Variants in CDH7 observed in about 807,000 individuals in gnomAD.
CDH7 encodes cadherin 7, also known as cadherin-7.
Under a neutral mutation model 71.8 loss-of-function variants are expected in CDH7, and 25 were observed. The ratio of observed to expected loss-of-function variants is 0.35; its 90% CI spans 0.25 to 0.49. The LOEUF is 0.49. Among genes scored for constraint, CDH7 ranks in the 20% least tolerant of loss-of-function variants. The pLI, the probability that CDH7 is intolerant of heterozygous loss-of-function variation, is 0.99. For missense variants in CDH7, 862 were observed against 974.6 expected (o/e 0.88, Z 1.54); for synonymous variants, 381 against 363.8 (o/e 1.05, Z -0.54).
At chr18:65,841,271 A>G (rs537718054) in intron 6 of CDH7, among the ~76,000 whole-genome samples, 1 of 152,292 alleles carries the variant, frequency 6.6e-6, no homozygotes, top group East Asian at 1.9e-4. Context: ...TTTTAGATAC[A>G]TTTAAAAAAA....
chr18:65,836,632 C>G (rs919061335), intron 6 of CDH7, among the ~76,000 whole-genome samples: 1 of 151,932 alleles, frequency 6.6e-6, no homozygotes, highest in South Asian at 2.1e-4. Flanking sequence ...CATTTGCAAG[C>G]TGCAAATGTT....
chr18:65,859,705 T>G lies in CDH7; in HGVS notation c.1495-3T>G. On this transcript the variant is annotated splice_polypyrimidine_tract_variant and splice_region_variant and intron_variant, in intron 9 of 11. Coordinates refer to ENST00000397968, the MANE Select transcript of CDH7 (RefSeq NM_004361.5). Reference sequence around the variant, plus strand: ...TTTCATCTTTTACTTTCTCTTTTCCTAGGTTATCCAGAAAATCAGTGCTGT... The same window carrying G: ...TTTCATCTTTTACTTTCTCTTTTCCGAGGTTATCCAGAAAATCAGTGCTGT... 1.9e-6 allele frequency: 3 copies of G among 1,568,642 alleles called. No homozygotes were observed. The South Asian group carries it at 3.3e-5, about 17-fold the overall frequency.
At chr18:65,862,236 A>G (rs1312476509) in intron 10 of CDH7, among the ~76,000 whole-genome samples, 1 of 152,134 alleles carries the variant, frequency 6.6e-6, no homozygotes, top group Non-Finnish European at 1.5e-5. Context: ...TGGTCTTGCA[A>G]CTTGTCTAAG....
At chr18:65,775,458 G>C (rs759484789) in intron 2 of CDH7, among the ~76,000 whole-genome samples, 1 of 152,096 alleles carries the variant, frequency 6.6e-6, no homozygotes, top group Non-Finnish European at 1.5e-5. Context: ...AATAATAGTG[G>C]TACATATTTT....
intron 5 of CDH7, 82 bp downstream of exon 5, chr18:65,822,330 C>A: frequency 1.8e-6 from 2 of 1,083,928 alleles, no homozygotes; most frequent in Non-Finnish European, 2.7e-6. Context: ...GACTTTTTTT[C>A]AAATACTTCT....
intron 7 of CDH7, among the ~76,000 whole-genome samples, chr18:65,856,513 TCCCA>T (rs1913361887): frequency 6.6e-6 from 1 of 152,010 alleles, no homozygotes; most frequent in Admixed American, 6.6e-5. Flanking sequence ...AAGTAGAGTT[TCCCA>T]CAGTAATGCA....
At position 65,862,860 on chromosome 18, in the gene CDH7, GC is replaced by G; in HGVS notation, c.1808del (p.Ala603ValfsTer8). On this transcript the variant is annotated frameshift_variant, in exon 11 of 12. Transcript: ENST00000397968. LOFTEE classifies it high-confidence loss of function. ...CAATGCAGAGGCCTATGTCCTACCT[GC>G]TGGCCTCAGTACAGGAGCCCTGATA... ...TCNAEAYVLPAGLSTGALIAI... is the reference protein window; with the variant it reads ...TCNAEAYVLPXGLSTGALIAI... 1 of 1,614,052 alleles carries G rather than the reference GC, an allele frequency of 6.2e-7. No individual in the cohort carries two copies. Among genetic ancestry groups the G allele is most frequent in the Non-Finnish European group, 8.5e-7 (1 of 1,179,928 alleles).
chr18:65,866,366 T>A, intron 11 of CDH7: 1 of 114,170 alleles, frequency 8.8e-6, no homozygotes, highest in Non-Finnish European at 1.8e-5. Context: ...ACTATAGAAG[T>A]ACCTGGACTT....
In CDH7 at chr18:65,793,432, A is replaced by G. The variant is rs1280259635; in HGVS notation, c.211-16272A>G. On this transcript the variant is annotated intron_variant, in intron 2 of 11. Coordinates refer to ENST00000397968, the MANE Select transcript of CDH7 (RefSeq NM_004361.5). Reference sequence around the variant, plus strand: ...ACACCCAGTCTCAAAAAAAAAAAAAAAGAGAGGGAGAGAGAGAAAGTCCAG... The same window carrying G: ...ACACCCAGTCTCAAAAAAAAAAAAAGAGAGAGGGAGAGAGAGAAAGTCCAG... Among the ~76,000 whole-genome samples the G allele has an allele frequency of 9.2e-5, 14 of 152,100 alleles. No individual in the cohort carries two copies. The East Asian group carries it at 2.3e-3, about 25-fold the overall frequency.
intron 2 of CDH7, among the ~76,000 whole-genome samples, chr18:65,794,864 A>T (rs1227878081): frequency 6.6e-6 from 1 of 152,170 alleles, no homozygotes; most frequent in South Asian, 2.1e-4. Context: ...TAGTTTTCTC[A>T]TGTATAAAAT....
At chr18:65,829,180 T>C (rs1235855358) in intron 6 of CDH7, among the ~76,000 whole-genome samples, 1 of 151,862 alleles carries the variant, frequency 6.6e-6, no homozygotes, top group African/African-American at 2.4e-5. Flanking sequence ...AGTGCAGTGG[T>C]GTCATCTGGG....
intron 11 of CDH7, 117 bp downstream of exon 11, chr18:65,863,034 T>C: frequency 8.8e-7 from 1 of 1,134,658 alleles, no homozygotes; most frequent in African/African-American, 1.5e-5. Context: ...TGGATGGTGT[T>C]TGTTTTGTTT....
intron 7 of CDH7, 37 bp downstream of exon 7, chr18:65,844,102 A>G: frequency 6.3e-7 from 1 of 1,589,464 alleles, no homozygotes. Context: ...ATGGTTTTAC[A>G]AACAATGCAT....
chr18:65,785,643 A>G (rs147585677), intron 2 of CDH7, among the ~76,000 whole-genome samples: 2 of 152,172 alleles, frequency 1.3e-5, no homozygotes, highest in East Asian at 3.9e-4. Context: ...AAAAATATCT[A>G]ATGGAGTTTA....
At chr18:65,873,300 C>T (rs189720953) in intron 11 of CDH7, among the ~76,000 whole-genome samples, 1 of 152,228 alleles carries the variant, frequency 6.6e-6, no homozygotes, top group East Asian at 1.9e-4. Flanking sequence ...TCTGAGAATA[C>T]CTCTAAGACC....
rs1297136960 is a variant in CDH7, at chr18:65,844,197, A to ATATATAT, written c.1235+132_1235+133insTATATAT. ...CAGATATATATATATATCGAGTTAT[A>ATATATAT]ACAGCAGAGGTAAAACAGCATTAGA... is the stretch of plus-strand genomic sequence containing the variant. On this transcript the variant is annotated intron_variant, in intron 7 of 11. Transcript: ENST00000397968. 50 of 242,096 alleles carry ATATATAT rather than the reference A, an allele frequency of 2.1e-4. 4 individuals are homozygous for ATATATAT. Among genetic ancestry groups the ATATATAT allele is most frequent in the Non-Finnish European group, 3.2e-4 (42 of 131,138 alleles). The allele number at this position is 242,096 out of a possible 1,614,324, so 15.0% of individuals were successfully genotyped here.
At chr18:65,830,107 G>T (rs1599035693) in intron 6 of CDH7, among the ~76,000 whole-genome samples, 1 of 152,132 alleles carries the variant, frequency 6.6e-6, no homozygotes, top group Non-Finnish European at 1.5e-5. Context: ...CCTGTGCAGA[G>T]ACTTCACTTA....
rs769869251 is a variant in CDH7, at chr18:65,809,895, G to T, written c.402G>T (p.Glu134Asp). ...ALDRLTNKPV[E>D]PESEFVIKIQ... ...ATAGGCTCACCAACAAACCCGTGGA[G>T]CCCGAGTCGGAGTTTGTCATCAAAA... Residue 134 changes from glutamate to aspartate, a missense_variant, in exon 3 of 12, where the codon GAG (glutamate) becomes GAT (aspartate). Physicochemically the swap from Glu to Asp is conservative, Grantham distance 45 (BLOSUM62 2). Transcript: ENST00000397968. 6.2e-7 allele frequency: 1 copy of T among 1,613,988 alleles called. No homozygotes were observed. Among genetic ancestry groups the T allele is most frequent in the East Asian group, 2.2e-5 (1 of 44,854 alleles).
At chr18:65,780,921 T>G (rs1260425133) in intron 2 of CDH7, among the ~76,000 whole-genome samples, 7 of 124,146 alleles carry the variant, frequency 5.6e-5, no homozygotes, top group African/African-American at 1.8e-4. Flanking sequence ...TATTCCTGTT[T>G]TTTTTTTTTT....
Sources: gnomAD v4.1 joint callset for allele counts (sites outside exome capture counted in the v4.1 genomes callset) on GRCh38, gnomAD v4.1.1 for gene constraint, MANE v1.5 for transcripts, NCBI Gene and HGNC (gene_info 2026-07-23, HGNC 2026-07-21) for gene names.